OPCML: variants seen among roughly 807,000 people sequenced by gnomAD.
OPCML encodes the protein opioid-binding protein/cell adhesion molecule.
In OPCML, 13 loss-of-function variants were observed where a neutral mutation model predicts 37.8. The ratio of observed to expected loss-of-function variants is 0.34; its 90% CI spans 0.22 to 0.55. The LOEUF is 0.55. OPCML is among the 20% of genes least tolerant of loss of function. The pLI is 0.91. For synonymous variants in OPCML, 176 were observed against 168.8 expected (o/e 1.04, Z -0.33); for missense variants, 341 against 435.6 (o/e 0.78, Z 1.93).
At chr11:133,153,283 C>T (rs1189249668) in intron 1 of OPCML, among the ~76,000 whole-genome samples, 1 of 151,548 alleles carries the variant, frequency 6.6e-6, no homozygotes, top group Non-Finnish European at 1.5e-5. Flanking sequence ...GCATGAACCA[C>T]GGGGAGGGCT....
intron 1 of OPCML, among the ~76,000 whole-genome samples, chr11:133,416,801 GC>G (rs1203308425): frequency 6.6e-6 from 1 of 152,102 alleles, no homozygotes; most frequent in Non-Finnish European, 1.5e-5. Context: ...TTCATAATGA[GC>G]CCCTGTGATA....
intron 2 of OPCML, among the ~76,000 whole-genome samples, chr11:132,850,590 G>A (rs1941766226): frequency 6.6e-6 from 1 of 151,844 alleles, no homozygotes; most frequent in Non-Finnish European, 1.5e-5. Flanking sequence ...TGTATAGTTT[G>A]TATAATTCAA....
chr11:132,809,239 C>T (rs1168675507), intron 2 of OPCML, among the ~76,000 whole-genome samples: 1 of 152,336 alleles, frequency 6.6e-6, no homozygotes, highest in East Asian at 1.9e-4. Flanking sequence ...ATTCATTTCC[C>T]TGGGCCACTA....
chr11:132,875,252 C>A (rs549016083), intron 2 of OPCML, among the ~76,000 whole-genome samples: 1 of 152,240 alleles, frequency 6.6e-6, no homozygotes, highest in South Asian at 2.1e-4. Flanking sequence ...AGTAAAATAA[C>A]CTTGCACTTA....
chr11:132,643,561 G>T (rs529501292), intron 3 of OPCML, among the ~76,000 whole-genome samples: 1 of 152,090 alleles, frequency 6.6e-6, no homozygotes, highest in African/African-American at 2.4e-5. Flanking sequence ...CTTGACTCTC[G>T]ACCTTCCTCT....
chr11:133,479,630 C>A (rs1241303367), intron 1 of OPCML, among the ~76,000 whole-genome samples: 4 of 152,186 alleles, frequency 2.6e-5, no homozygotes, highest in Non-Finnish European at 5.9e-5. Context: ...TGACTCAGGT[C>A]AAGCGTCACA....
chr11:132,980,038 T>G (rs1946549111), intron 1 of OPCML, among the ~76,000 whole-genome samples: 1 of 152,146 alleles, frequency 6.6e-6, no homozygotes, highest in Admixed American at 6.5e-5. Context: ...GAAATTAGTT[T>G]TAGTTGAGTA....
At chr11:132,845,563 T>C (rs1941489097) in intron 2 of OPCML, among the ~76,000 whole-genome samples, 1 of 152,210 alleles carries the variant, frequency 6.6e-6, no homozygotes, top group Non-Finnish European at 1.5e-5. Context: ...TCAGATGTTC[T>C]CTGGGATCCC....
intron 2 of OPCML, among the ~76,000 whole-genome samples, chr11:132,832,192 C>T (rs78446280): frequency 0.016 from 2,443 of 150,340 alleles, 27 homozygotes; most frequent in Middle Eastern, 0.038. Context: ...GGCAGTTAAG[C>T]ATCTAATTAC....
intron 1 of OPCML, among the ~76,000 whole-genome samples, chr11:133,191,576 G>A (rs1938323293): frequency 6.6e-6 from 1 of 151,192 alleles, no homozygotes; most frequent in Admixed American, 6.6e-5. Context: ...GGAGTACAAA[G>A]GCGTGATCTT....
chr11:132,798,123 C>T (rs923012128), intron 2 of OPCML, among the ~76,000 whole-genome samples: 3 of 152,048 alleles, frequency 2.0e-5, no homozygotes, highest in Non-Finnish European at 4.4e-5. Flanking sequence ...CTTATGATCT[C>T]GGTTCGGCAT....
chr11:132,996,576 G>A (rs551488591), intron 1 of OPCML, among the ~76,000 whole-genome samples: 8 of 145,810 alleles, frequency 5.5e-5, no homozygotes, highest in Admixed American at 2.1e-4. Context: ...TCAAGATTGC[G>A]CCACTGCACT....
intron 1 of OPCML, among the ~76,000 whole-genome samples, chr11:133,072,844 T>C (rs1306899407): frequency 6.6e-6 from 1 of 152,216 alleles, no homozygotes; most frequent in East Asian, 1.9e-4. Flanking sequence ...AGTAGAGGCA[T>C]TGACTAAGTC....
At chr11:132,970,311 A>C (rs1043862710) in intron 1 of OPCML, among the ~76,000 whole-genome samples, 2 of 152,240 alleles carry the variant, frequency 1.3e-5, no homozygotes, top group African/African-American at 4.8e-5. Flanking sequence ...GTTTTACCTC[A>C]AGTCTAATTA....
intron 1 of OPCML, among the ~76,000 whole-genome samples, chr11:133,191,848 T>G: frequency 6.6e-6 from 1 of 152,162 alleles, no homozygotes; most frequent in Non-Finnish European, 1.5e-5. Context: ...AACTTCCATT[T>G]GTGTGTTGCA....
At chr11:132,906,306 C>T (rs527573439) in intron 2 of OPCML, among the ~76,000 whole-genome samples, 1 of 152,282 alleles carries the variant, frequency 6.6e-6, no homozygotes, top group East Asian at 1.9e-4. Flanking sequence ...GTATGTTCTA[C>T]TCAATTTTTA....
rs1028594550 is a variant in OPCML at position 133,308,660 on chromosome 11, C to T, written c.61+223604G>A. Among the ~76,000 whole-genome samples the T allele has an allele frequency of 4.6e-5, 7 of 152,228 alleles. No individual in the cohort carries two copies. In the East Asian group the frequency reaches 1.4e-3, roughly 29 times the overall value. ...GCAGTTAACCCACAGTAACAATGAGCACACCCAGCACCAAGATCTTGGTTT... is the reference window on the plus strand; with the variant it reads ...GCAGTTAACCCACAGTAACAATGAGTACACCCAGCACCAAGATCTTGGTTT... On this transcript the variant is annotated intron_variant, in intron 1 of 7. Transcript: ENST00000524381.
chr11:133,160,885 A>C (rs1169614000), intron 1 of OPCML, among the ~76,000 whole-genome samples: 4 of 152,196 alleles, frequency 2.6e-5, no homozygotes, highest in Non-Finnish European at 4.4e-5. Flanking sequence ...AGGGAAGCAT[A>C]TGGAGGGCCG....
At chr11:133,193,593 A>G (rs902204809) in intron 1 of OPCML, among the ~76,000 whole-genome samples, 1 of 152,322 alleles carries the variant, frequency 6.6e-6, no homozygotes, top group East Asian at 1.9e-4. Context: ...ACTTTCTTTC[A>G]TGATAAACAC....
Sources: gnomAD v4.1 joint callset for allele counts (sites outside exome capture counted in the v4.1 genomes callset) on GRCh38, gnomAD v4.1.1 for gene constraint, MANE v1.5 for transcripts, NCBI Gene and HGNC (gene_info 2026-07-23, HGNC 2026-07-21) for gene names.